The following ELP4 variants were observed in gnomAD, a reference collection of about 807,000 sequenced individuals.
ELP4 encodes the protein elongator complex protein 4.
Under a neutral mutation model 48.9 loss-of-function variants are expected in ELP4, and 51 were observed. That is an observed-to-expected ratio of 1.04 (90% confidence interval 0.83 to 1.32). The LOEUF is 1.32. Ranked by LOEUF, ELP4 falls within the 40% of genes most tolerant of loss-of-function variation. The probability of loss-of-function intolerance (pLI) is 0.00; values close to 1 mark genes in which losing one functional copy is unlikely to be tolerated. For missense variants in ELP4, 519 were observed against 514.6 expected, an observed-to-expected ratio of 1.01 and a Z score of -0.08; for synonymous variants, 210 against 189.2, an observed-to-expected ratio of 1.11 and a Z score of -0.90.
chr11:31,594,299 T>C (rs1423698033), intron 3 of ELP4, among the ~76,000 whole-genome samples: 3 of 152,146 alleles, frequency 2.0e-5, no homozygotes, highest in Non-Finnish European at 4.4e-5. Context: ...AAAATAAATG[T>C]CATTATTCTT....
chr11:31,766,790 G>A (rs1243898864), intron 9 of ELP4, among the ~76,000 whole-genome samples: 3 of 152,090 alleles, frequency 2.0e-5, no homozygotes, highest in African/African-American at 7.2e-5. Context: ...AATATACTCT[G>A]TAATTTACAA....
intron 9 of ELP4, among the ~76,000 whole-genome samples, chr11:31,728,928 T>G (rs1194518000): frequency 6.6e-6 from 1 of 152,188 alleles, no homozygotes; most frequent in Non-Finnish European, 1.5e-5. Context: ...CCATGAATCT[T>G]AGGAAGGCAT....
intron 8 of ELP4, 66 bp downstream of exon 8, chr11:31,647,915 T>C: frequency 1.2e-6 from 1 of 858,922 alleles, no homozygotes. Flanking sequence ...GGAAGCATCC[T>C]ATTCAATCCA....
intron 1 of ELP4, among the ~76,000 whole-genome samples, chr11:31,518,532 C>T (rs1360977047): frequency 8.0e-6 from 1 of 124,978 alleles, no homozygotes; most frequent in East Asian, 2.5e-4. Context: ...GAGTCTCACT[C>T]TGTTGGCCAG....
At chr11:31,772,973 C>G (rs1205734242) in intron 9 of ELP4, among the ~76,000 whole-genome samples, 1 of 152,218 alleles carries the variant, frequency 6.6e-6, no homozygotes, top group Non-Finnish European at 1.5e-5. Flanking sequence ...GTCCATCATC[C>G]TGCATATCCC....
At chr11:31,750,905 C>T (rs1472166175) in intron 9 of ELP4, among the ~76,000 whole-genome samples, 1 of 152,220 alleles carries the variant, frequency 6.6e-6, no homozygotes, top group Non-Finnish European at 1.5e-5. Context: ...TATAGGCAGA[C>T]ATGCATTTAA....
At chr11:31,714,775 A>G (rs1057412636) in intron 9 of ELP4, 1 of 398,400 alleles carries the variant, frequency 2.5e-6, no homozygotes, top group Non-Finnish European at 4.4e-6. Flanking sequence ...AGCGAGCAAC[A>G]TTGGGTTTGA....
At chr11:31,613,157 CA>C (rs1437340542) in intron 5 of ELP4, among the ~76,000 whole-genome samples, 4 of 152,034 alleles carry the variant, frequency 2.6e-5, no homozygotes, top group African/African-American at 7.2e-5. Flanking sequence ...TATAAGAGAT[CA>C]GGGGTGGTTA....
chr11:31,626,987 G>C, intron 5 of ELP4, 123 bp from the exon 6 acceptor site: 1 of 567,508 alleles, frequency 1.8e-6, no homozygotes, highest in East Asian at 3.0e-5. Context: ...ATACTGTTTT[G>C]ACATTCTTAA....
At chr11:31,678,800 A>G (rs1945993460) in intron 9 of ELP4, among the ~76,000 whole-genome samples, 1 of 152,182 alleles carries the variant, frequency 6.6e-6, no homozygotes, top group South Asian at 2.1e-4. Context: ...TAGATTGTAT[A>G]AGAGCATATT....
intron 2 of ELP4, among the ~76,000 whole-genome samples, chr11:31,537,457 G>T (rs1048508347): frequency 9.2e-5 from 14 of 152,158 alleles, no homozygotes; most frequent in African/African-American, 2.7e-4. Context: ...TCTTTGTTCA[G>T]ATTTCTTTGA....
intron 5 of ELP4, among the ~76,000 whole-genome samples, chr11:31,616,293 C>T (rs549705328): frequency 1.4e-4 from 21 of 152,050 alleles, no homozygotes; most frequent in African/African-American, 5.1e-4. Flanking sequence ...TATATATGGT[C>T]AAATAATCTT....
intron 9 of ELP4, among the ~76,000 whole-genome samples, chr11:31,700,461 C>G (rs1193402846): frequency 6.6e-6 from 1 of 151,884 alleles, no homozygotes; most frequent in Non-Finnish European, 1.5e-5. Flanking sequence ...CTATAAATAG[C>G]TTTATGTCCA....
intron 1 of ELP4, among the ~76,000 whole-genome samples, chr11:31,513,444 C>G (rs2133867952): frequency 6.6e-6 from 1 of 152,222 alleles, no homozygotes; most frequent in East Asian, 1.9e-4. Flanking sequence ...TACTATGAAC[C>G]AAGGAAAGAA....
chr11:31,732,734 A>G (rs1947218764), intron 9 of ELP4, among the ~76,000 whole-genome samples: 1 of 152,210 alleles, frequency 6.6e-6, no homozygotes, highest in African/African-American at 2.4e-5. Flanking sequence ...CTTCATGCAA[A>G]TGGAAACCAA....
chr11:31,531,298 T>C (rs1171054373), intron 2 of ELP4, among the ~76,000 whole-genome samples: 2 of 152,244 alleles, frequency 1.3e-5, no homozygotes, highest in Non-Finnish European at 2.9e-5. Flanking sequence ...TTTCCTCTAA[T>C]TAATTCTACA....
At chr11:31,737,459 A>G (rs1215927764) in intron 9 of ELP4, among the ~76,000 whole-genome samples, 3 of 152,004 alleles carry the variant, frequency 2.0e-5, no homozygotes. Context: ...CCTAAAACTT[A>G]AAGTATAATA....
intron 5 of ELP4, among the ~76,000 whole-genome samples, chr11:31,620,149 G>T (rs764248638): frequency 1.3e-5 from 2 of 152,002 alleles, no homozygotes; most frequent in Non-Finnish European, 2.9e-5. Flanking sequence ...AGGGCTTATT[G>T]AGGTTTGTGG....
chr11:31,606,409 A>G (rs897512878), intron 5 of ELP4, among the ~76,000 whole-genome samples: 3 of 152,102 alleles, frequency 2.0e-5, no homozygotes, highest in Non-Finnish European at 2.9e-5. Flanking sequence ...GTGTCCTACT[A>G]TCATATGTGA....
Sources: gnomAD v4.1 joint callset for allele counts (sites outside exome capture counted in the v4.1 genomes callset) on GRCh38, gnomAD v4.1.1 for gene constraint, MANE v1.5 for transcripts, NCBI Gene and HGNC (gene_info 2026-07-23, HGNC 2026-07-21) for gene names.